CSMD1: variants seen among roughly 807,000 people sequenced by gnomAD.
CSMD1 encodes CUB and Sushi multiple domains 1.
CSMD1 carries 213 observed loss-of-function variants against 417.5 expected under a neutral mutation model. The ratio of observed to expected loss-of-function variants is 0.51; its 90% CI spans 0.46 to 0.57. The LOEUF is 0.57. CSMD1 is among the 20% of genes least tolerant of loss of function. CSMD1 has a pLI of 0.00. For missense variants in CSMD1, 6,923 were observed against 4,529.7 expected (o/e 1.53, Z -15.17); for synonymous variants, 2,862 against 1,736.8 (o/e 1.65, Z -16.11).
chr8:4,143,941 G>T (rs1328632514), intron 3 of CSMD1, among the ~76,000 whole-genome samples: 1 of 151,300 alleles, frequency 6.6e-6, no homozygotes, highest in Non-Finnish European at 1.5e-5. Context: ...GCAGATGAAG[G>T]GATGGCCAGT....
intron 15 of CSMD1, among the ~76,000 whole-genome samples, chr8:3,403,615 T>C (rs554030806): frequency 1.4e-4 from 21 of 152,326 alleles, no homozygotes; most frequent in Non-Finnish European, 2.9e-5. Context: ...CAGCCTATTA[T>C]GGTAAAGGAC....
At chr8:4,977,722 C>T (rs1271768409) in intron 1 of CSMD1, among the ~76,000 whole-genome samples, 3 of 152,208 alleles carry the variant, frequency 2.0e-5, no homozygotes, top group East Asian at 1.9e-4. Context: ...AAAACTAAGT[C>T]ACTAAGCTAC....
chr8:4,644,345 G>C (rs1339806453), intron 1 of CSMD1, among the ~76,000 whole-genome samples: 1 of 152,106 alleles, frequency 6.6e-6, no homozygotes, highest in African/African-American at 2.4e-5. Flanking sequence ...ACTCAATGCA[G>C]TATACTCTTT....
intron 3 of CSMD1, among the ~76,000 whole-genome samples, chr8:4,367,406 T>G (rs1003919100): frequency 5.9e-5 from 9 of 152,174 alleles, no homozygotes; most frequent in African/African-American, 2.2e-4. Flanking sequence ...CTCTCATTTT[T>G]CATTGGTCTA....
intron 41 of CSMD1, chr8:3,128,213 T>C (rs1182028724): frequency 6.6e-6 from 1 of 152,232 alleles, no homozygotes; most frequent in Non-Finnish European, 1.5e-5. Flanking sequence ...AGTTTTTAAA[T>C]CATAAGTGCA....
At chr8:4,347,241 G>A (rs1283871091) in intron 3 of CSMD1, among the ~76,000 whole-genome samples, 1 of 152,064 alleles carries the variant, frequency 6.6e-6, no homozygotes, top group African/African-American at 2.4e-5. Flanking sequence ...TGCTTAAAAT[G>A]AAACAGACAT....
rs544781451 is a variant in CSMD1 at position 4,600,449 on chromosome 8, T to C, written c.302+36893A>G. On this transcript the variant is annotated intron_variant, in intron 2 of 69. Transcript: ENST00000635120. ...TTATTTCAGAAATAAATTCAAGTGATCATCAATGCCTTTTCTTGAAGTCTG... is the reference window on the plus strand; with the variant it reads ...TTATTTCAGAAATAAATTCAAGTGACCATCAATGCCTTTTCTTGAAGTCTG... 7.2e-5 allele frequency among the ~76,000 whole-genome samples: 11 copies of C among 152,310 alleles called. 1 individual carries two copies. In the East Asian group the frequency reaches 2.1e-3, roughly 29 times the overall value.
In CSMD1 at chr8:3,681,536, A is replaced by G. The variant is rs1217031069; in HGVS notation, c.1009+26878T>C. On this transcript the variant is annotated intron_variant, in intron 7 of 69. Transcript: ENST00000635120. ...TACAAACCACTGCTCAATGAAATAA[A>G]AGAGGATACAAACAAATGGAAGAAC... is the stretch of plus-strand genomic sequence containing the variant. 2.0e-5 allele frequency among the ~76,000 whole-genome samples: 3 copies of G among 152,194 alleles called. No homozygotes were observed. In the East Asian group the frequency reaches 5.8e-4, roughly 29 times the overall value.
chr8:3,259,764 C>G (rs1304096205), intron 26 of CSMD1, among the ~76,000 whole-genome samples: 2 of 152,136 alleles, frequency 1.3e-5, no homozygotes, highest in Non-Finnish European at 2.9e-5. Flanking sequence ...CATGAGTTGG[C>G]AAACTGTATA....
intron 12 of CSMD1, among the ~76,000 whole-genome samples, chr8:3,447,762 G>A (rs543369842): frequency 2.6e-5 from 4 of 152,284 alleles, no homozygotes; most frequent in South Asian, 2.1e-4. Context: ...CAGGTTCTCC[G>A]TGTTCCTGGA....
At chr8:4,286,487 G>A (rs894895956) in intron 3 of CSMD1, among the ~76,000 whole-genome samples, 1 of 152,024 alleles carries the variant, frequency 6.6e-6, no homozygotes, top group African/African-American at 2.4e-5. Flanking sequence ...ATTTTAATAA[G>A]ACGGTTGTGG....
chr8:4,140,641 C>T (rs1296179621), intron 3 of CSMD1, among the ~76,000 whole-genome samples: 1 of 150,836 alleles, frequency 6.6e-6, no homozygotes, highest in Non-Finnish European at 1.5e-5. Flanking sequence ...GCACTCCAGG[C>T]TGGGCAACAG....
chr8:3,238,630 T>C (rs950414678), intron 26 of CSMD1, among the ~76,000 whole-genome samples: 7 of 152,078 alleles, frequency 4.6e-5, no homozygotes, highest in Non-Finnish European at 1.0e-4. Context: ...GAAACATTTG[T>C]CATTTAGAAT....
chr8:4,963,583 T>C (rs543786175), intron 1 of CSMD1, among the ~76,000 whole-genome samples: 2 of 152,228 alleles, frequency 1.3e-5, no homozygotes, highest in Non-Finnish European at 2.9e-5. Flanking sequence ...TGTGTGTTTA[T>C]ACATTTATTT....
intron 5 of CSMD1, among the ~76,000 whole-genome samples, chr8:3,844,876 T>G (rs928688504): frequency 1.3e-5 from 2 of 152,162 alleles, no homozygotes; most frequent in Non-Finnish European, 2.9e-5. Flanking sequence ...AAAACTAAAG[T>G]TTTTTCTAAA....
At chr8:4,237,675 C>G (rs1364354405) in intron 3 of CSMD1, among the ~76,000 whole-genome samples, 5 of 152,058 alleles carry the variant, frequency 3.3e-5, no homozygotes, top group Non-Finnish European at 5.9e-5. Context: ...ACCACCATGC[C>G]CAGCTAATTT....
chr8:3,483,352 A>G (rs1231705225), intron 11 of CSMD1, among the ~76,000 whole-genome samples: 6 of 152,106 alleles, frequency 3.9e-5, no homozygotes, highest in East Asian at 1.9e-4. Context: ...AATATTATAA[A>G]TAACTGTAAA....
In CSMD1 at chr8:4,985,079, GA is replaced by G. The variant is rs1367670686; in HGVS notation, c.85+9252del. 2.6e-5 allele frequency among the ~76,000 whole-genome samples: 4 copies of G among 152,184 alleles called. No individual in the cohort carries two copies. In the East Asian group the frequency reaches 7.7e-4, roughly 29 times the overall value. ...CTTTGCAGGGACGTGGGTGGAGCTG[GA>G]GGCCATTATCCTTATCAAACTAATC... On this transcript the variant is annotated intron_variant, in intron 1 of 69. Transcript: ENST00000635120.
intron 37 of CSMD1, among the ~76,000 whole-genome samples, chr8:3,178,536 C>G (rs1398219694): frequency 6.6e-6 from 1 of 152,178 alleles, no homozygotes; most frequent in Non-Finnish European, 1.5e-5. Flanking sequence ...ATAAAATGCA[C>G]TTTTCATGCC....
Sources: allele counts gnomAD v4.1 joint callset (sites outside exome capture counted in the v4.1 genomes callset), GRCh38; gene constraint gnomAD v4.1.1; transcripts MANE v1.5; gene names NCBI Gene and HGNC (gene_info 2026-07-23, HGNC 2026-07-21).